GLRB: variants seen among roughly 807,000 people sequenced by gnomAD.
GLRB encodes glycine receptor beta, also known as glycine receptor subunit beta.
A neutral mutation model predicts 54.2 loss-of-function variants in GLRB; 33 were observed. The ratio of observed to expected loss-of-function variants is 0.61; its 90% CI spans 0.46 to 0.81. GLRB has a LOEUF of 0.81. Ranked by LOEUF, GLRB falls within the 40% of genes least tolerant of loss-of-function variation. GLRB has a pLI of 0.00. For missense variants in GLRB, 572 were observed against 584.6 expected (o/e 0.98, Z 0.22); for synonymous variants, 209 against 208.2 (o/e 1.00, Z -0.03).
At chr4:157,136,354 A>G (rs1736397492) in intron 4 of GLRB, 115 bp from the exon 5 acceptor site, 1 of 695,418 alleles carries the variant, frequency 1.4e-6, no homozygotes, top group East Asian at 2.7e-5. Context: ...TTGATGTTGG[A>G]AGAACAAAAA....
chr4:157,081,610 T>G (rs1734225299), intron 2 of GLRB, among the ~76,000 whole-genome samples: 1 of 152,150 alleles, frequency 6.6e-6, no homozygotes, highest in Admixed American at 6.5e-5. Context: ...CTTCTCAAAT[T>G]CAGTAGTCAC....
At chr4:157,144,915 T>C (rs1049863102) in intron 8 of GLRB, among the ~76,000 whole-genome samples, 12 of 152,142 alleles carry the variant, frequency 7.9e-5, no homozygotes, top group Non-Finnish European at 1.6e-4. Context: ...TTACATCTAA[T>C]TGAAATCACA....
At chr4:157,095,518 G>T (rs1734778286) in intron 2 of GLRB, among the ~76,000 whole-genome samples, 2 of 152,014 alleles carry the variant, frequency 1.3e-5, no homozygotes, top group African/African-American at 4.8e-5. Context: ...CATTTAAAGA[G>T]TTGTAAATTA....
At chr4:157,126,661 G>T (rs1736025058) in intron 4 of GLRB, among the ~76,000 whole-genome samples, 1 of 151,822 alleles carries the variant, frequency 6.6e-6, no homozygotes. Context: ...TTTGTTAGGG[G>T]CTAGGTGACA....
chr4:157,102,453 T>C (rs572199640), intron 2 of GLRB, among the ~76,000 whole-genome samples: 3 of 152,330 alleles, frequency 2.0e-5, no homozygotes, highest in African/African-American at 7.2e-5. Flanking sequence ...GTTCTGTGAT[T>C]GGCTTATTTC....
At chr4:157,093,851 A>G (rs1479246515) in intron 2 of GLRB, among the ~76,000 whole-genome samples, 1 of 151,558 alleles carries the variant, frequency 6.6e-6, no homozygotes, top group Non-Finnish European at 1.5e-5. Flanking sequence ...GAGAAAAGTG[A>G]GTTATCTTTT....
intron 9 of GLRB, among the ~76,000 whole-genome samples, chr4:157,154,260 G>A (rs193028039): frequency 1.3e-5 from 2 of 152,006 alleles, no homozygotes; most frequent in Non-Finnish European, 1.5e-5. Context: ...ACAACATATA[G>A]TTGGTGTTTG....
At chr4:157,090,526 C>A (rs1279506378) in intron 2 of GLRB, among the ~76,000 whole-genome samples, 6 of 152,198 alleles carry the variant, frequency 3.9e-5, no homozygotes, top group African/African-American at 1.2e-4. Context: ...TTTTAATGGC[C>A]TTGTAACTGT....
At chr4:157,141,945 T>C (rs917629492) in intron 7 of GLRB, among the ~76,000 whole-genome samples, 15 of 152,088 alleles carry the variant, frequency 9.9e-5, no homozygotes, top group African/African-American at 3.4e-4. Flanking sequence ...TACTTTGTAG[T>C]AAATCGTTAT....
At chr4:157,137,015 T>C in intron 6 of GLRB, 129 bp downstream of exon 6, 1 of 656,552 alleles carries the variant, frequency 1.5e-6, no homozygotes, top group Non-Finnish European at 2.7e-6. Flanking sequence ...ATTAAAATAA[T>C]TTATTTAGGG....
chr4:157,120,616 C>G lies in GLRB; in HGVS notation c.183C>G (p.Asn61Lys). Residue 61 changes from asparagine (N) to lysine (K), a missense_variant, in exon 3 of 10, where the codon AAC becomes AAG. Asn to Lys is a moderately conservative substitution (Grantham distance 94). Coordinates refer to ENST00000264428, the MANE Select transcript of GLRB (RefSeq NM_000824.5). ...CCAACTCCACTAGCAATATCTTGAA[C>G]AGGTTATTGGTCAGTTATGATCCCA... Reference protein sequence around the residue: ...VPANSTSNILNRLLVSYDPRI... With the variant: ...VPANSTSNILKRLLVSYDPRI... 6.3e-7 allele frequency: 1 copy of G among 1,599,572 alleles called. No individual in the cohort carries two copies. The highest frequency in any genetic ancestry group is 8.6e-7 in the Non-Finnish European group (1 of 1,169,110).
Position 157,146,579 on chromosome 4 carries a change from G to A in GLRB, c.904+2620G>A, listed in dbSNP as rs1192083314. Among the ~76,000 whole-genome samples, 10 of 152,196 alleles carry A rather than the reference G, an allele frequency of 6.6e-5. No individual in the cohort carries two copies. In the East Asian group the frequency reaches 1.9e-3, roughly 30 times the overall value. On this transcript the variant is annotated intron_variant, in intron 8 of 9. Transcript: ENST00000264428. ...CACCCCTGTAATCCCAGCACTTTGGGAGGCAAAGGTGGGCAAATCACCTGA... is the reference window on the plus strand; with the variant it reads ...CACCCCTGTAATCCCAGCACTTTGGAAGGCAAAGGTGGGCAAATCACCTGA...
chr4:157,138,856 C>T lies in GLRB; in HGVS notation c.658C>T (p.Pro220Ser). The T allele has an allele frequency of 6.4e-7, 1 of 1,562,390 alleles. No homozygotes were observed. Among genetic ancestry groups the T allele is most frequent in the South Asian group, 1.1e-5 (1 of 89,674 alleles). ...DLRFIWQSGD[P>S]VQLEKIALPQ... Reference sequence around the variant, plus strand: ...ACGATTTATCTGGCAGTCAGGAGATCCTGTGCAATTAGAAAAAATTGCCTT... The same window carrying T: ...ACGATTTATCTGGCAGTCAGGAGATTCTGTGCAATTAGAAAAAATTGCCTT... The change falls in exon 7 of 10, where the codon CCT becomes TCT. Residue 220 changes from proline to serine, a missense_variant. Pro to Ser is a moderately conservative substitution (Grantham distance 74, BLOSUM62 -1). Transcript: ENST00000264428.
At chr4:157,108,667 G>A (rs2126501114) in intron 2 of GLRB, among the ~76,000 whole-genome samples, 1 of 152,178 alleles carries the variant, frequency 6.6e-6, no homozygotes, top group South Asian at 2.1e-4. Context: ...TGAATATACT[G>A]AGAACAATGT....
chr4:157,109,829 G>A (rs1735352421), intron 2 of GLRB, among the ~76,000 whole-genome samples: 1 of 151,976 alleles, frequency 6.6e-6, no homozygotes, highest in Admixed American at 6.6e-5. Context: ...ATTATACAAA[G>A]GATATAGGTG....
intron 9 of GLRB, among the ~76,000 whole-genome samples, chr4:157,158,026 A>G (rs947123475): frequency 6.6e-6 from 1 of 152,176 alleles, no homozygotes; most frequent in Non-Finnish European, 1.5e-5. Context: ...AATGATCACC[A>G]TTCTAACTGG....
In GLRB at chr4:157,143,860, T is replaced by C. The variant is rs1736705440; in HGVS notation, c.805T>C (p.Tyr269His). The C allele has an allele frequency of 6.2e-7, 1 of 1,613,856 alleles. No individual in the cohort carries two copies. Among genetic ancestry groups the C allele is most frequent in the South Asian group, 1.1e-5 (1 of 91,074 alleles). ...IFTLRRQVGF[Y>H]MMGVYAPTLL... ...CACCCTGAGGAGGCAGGTCGGCTTT[T>C]ACATGATGGGGGTCTACGCCCCAAC... is the stretch of plus-strand genomic sequence containing the variant. Residue 269 changes from tyrosine to histidine, a missense_variant, in exon 8 of 10, where the codon TAC becomes CAC. Physicochemically the swap from Tyr to His is moderately conservative, Grantham distance 83 (BLOSUM62 2). Coordinates refer to ENST00000264428, the MANE Select transcript of GLRB (RefSeq NM_000824.5).
chr4:157,158,255 T>TA (rs1290812294), intron 9 of GLRB, among the ~76,000 whole-genome samples: 1 of 152,128 alleles, frequency 6.6e-6, no homozygotes, highest in Non-Finnish European at 1.5e-5. Context: ...GGGTAGATTG[T>TA]AAAAATTTTC....
chr4:157,152,359 A>G (rs190515652), intron 8 of GLRB, among the ~76,000 whole-genome samples: 8 of 152,292 alleles, frequency 5.3e-5, no homozygotes, highest in South Asian at 4.1e-4. Context: ...AAGCTGAAAA[A>G]TAACATACAT....
Sources: gnomAD v4.1 joint callset for allele counts (sites outside exome capture counted in the v4.1 genomes callset) on GRCh38, gnomAD v4.1.1 for gene constraint, MANE v1.5 for transcripts, NCBI Gene and HGNC (gene_info 2026-07-23, HGNC 2026-07-21) for gene names.